Variants in CRHBP observed in about 807,000 individuals in gnomAD.
The protein encoded by CRHBP is corticotropin-releasing hormone-binding protein.
Under a neutral mutation model 34.9 loss-of-function variants are expected in CRHBP, and 19 were observed. That is an observed-to-expected ratio of 0.55 (90% confidence interval 0.38 to 0.80). The LOEUF is 0.80. Among genes scored for constraint, CRHBP ranks in the 30% least tolerant of loss-of-function variants. The pLI, the probability that CRHBP is intolerant of heterozygous loss-of-function variation, is 0.00. For missense variants in CRHBP, 328 were observed against 409.2 expected, an observed-to-expected ratio of 0.80 and a Z score of 1.71; for synonymous variants, 154 against 153.4, an observed-to-expected ratio of 1.00 and a Z score of -0.03.
intron 5 of CRHBP, among the ~76,000 whole-genome samples, chr5:76,959,887 C>T (rs1187526094): frequency 6.6e-6 from 1 of 152,156 alleles, no homozygotes; most frequent in African/African-American, 2.4e-5. Context: ...GAGATCTGCA[C>T]TTTAGTTATT....
intron 6 of CRHBP, among the ~76,000 whole-genome samples, chr5:76,966,136 T>A (rs147519797): frequency 4.5e-4 from 69 of 152,244 alleles, no homozygotes; most frequent in African/African-American, 1.5e-3. Flanking sequence ...CTCCTGCCTC[T>A]GCCTCCCGAG....
intron 4 of CRHBP, among the ~76,000 whole-genome samples, chr5:76,958,396 C>A (rs1475071662): frequency 2.0e-5 from 3 of 152,148 alleles, no homozygotes; most frequent in African/African-American, 7.2e-5. Context: ...TAGCTTTAAG[C>A]TGGACTCTAG....
chr5:76,964,861 A>AT (rs964675335), intron 6 of CRHBP, among the ~76,000 whole-genome samples: 3 of 152,122 alleles, frequency 2.0e-5, no homozygotes, highest in African/African-American at 7.2e-5. Context: ...ACAGAGTGAG[A>AT]TTCTGTCTCA....
chr5:76,969,631 G>A (rs868744074), downstream of CRHBP, among the ~76,000 whole-genome samples: 71 of 152,322 alleles, frequency 4.7e-4, no homozygotes, highest in Middle Eastern at 0.027. Context: ...TTAGAGGAGA[G>A]GTAGAATTGC....
At chr5:76,956,493 T>C (rs1414926229) in intron 4 of CRHBP, among the ~76,000 whole-genome samples, 4 of 152,236 alleles carry the variant, frequency 2.6e-5, no homozygotes, top group Non-Finnish European at 4.4e-5. Flanking sequence ...CCCAGCACTT[T>C]GGGAGGCCAA....
chr5:76,956,950 A>G (rs528559990), intron 4 of CRHBP, among the ~76,000 whole-genome samples: 3 of 152,290 alleles, frequency 2.0e-5, no homozygotes, highest in East Asian at 3.9e-4. Context: ...GAATTTTTGA[A>G]AAAGCCCCCC....
intron 5 of CRHBP, among the ~76,000 whole-genome samples, chr5:76,961,147 C>A (rs1745770287): frequency 6.6e-6 from 1 of 152,112 alleles, no homozygotes; most frequent in African/African-American, 2.4e-5. Flanking sequence ...TTTAGGGAAT[C>A]CCTGTTGAGA....
intron 5 of CRHBP, 26 bp from the exon 6 acceptor site, chr5:76,963,317 C>T: frequency 6.2e-7 from 1 of 1,600,078 alleles, no homozygotes; most frequent in Non-Finnish European, 8.6e-7. Context: ...TTAAATGTGT[C>T]TTTCTCTGCT....
In CRHBP at chr5:76,953,224, C is replaced by T. The variant is rs1458670372; in HGVS notation, c.81+9C>T. 6.2e-7 allele frequency: 1 copy of T among 1,613,092 alleles called. No homozygotes were observed. Among genetic ancestry groups the T allele is most frequent in the Non-Finnish European group, 8.5e-7 (1 of 1,179,074 alleles). On this transcript the variant is annotated intron_variant, in intron 1 of 6. Transcript: ENST00000274368. ...AAAGCCGGTACCTAGAGGTGAGCCA[C>T]CCCTGGACTGACCCATCTCACCTTC...
At chr5:76,962,340 C>T (rs899949380) in intron 5 of CRHBP, among the ~76,000 whole-genome samples, 11 of 152,130 alleles carry the variant, frequency 7.2e-5, no homozygotes, top group Admixed American at 7.2e-4. Context: ...CTTCTAGGCA[C>T]TGGCTTTTTG....
chr5:76,953,841 C>T, intron 2 of CRHBP, 147 bp downstream of exon 2: 1 of 1,170,992 alleles, frequency 8.5e-7, no homozygotes, highest in Non-Finnish European at 1.2e-6. Flanking sequence ...GATCGGTCCG[C>T]GGAGGCGCGC....
At chr5:76,971,552 T>C (rs1745944505), downstream of CRHBP, among the ~76,000 whole-genome samples, 1 of 152,238 alleles carries the variant, frequency 6.6e-6, no homozygotes, top group Non-Finnish European at 1.5e-5. Flanking sequence ...GGTTGTTGCC[T>C]GTCACTGAGA....
chr5:76,955,593 C>T, intron 3 of CRHBP, 60 bp from the exon 4 acceptor site: 1 of 1,511,782 alleles, frequency 6.6e-7, no homozygotes, highest in Non-Finnish European at 9.1e-7. Context: ...CTTTTCAACT[C>T]ATTTCAGACT....
At chr5:76,963,240 G>C in intron 5 of CRHBP, 103 bp from the exon 6 acceptor site, 1 of 837,476 alleles carries the variant, frequency 1.2e-6, no homozygotes, top group Non-Finnish European at 2.0e-6. Context: ...TTGCCAGGAT[G>C]TTGAGGGCTG....
intron 2 of CRHBP, among the ~76,000 whole-genome samples, chr5:76,974,932 TAAC>T (rs1746002586): frequency 6.6e-6 from 1 of 152,220 alleles, no homozygotes; most frequent in East Asian, 1.9e-4. Context: ...TTGCTCTTGA[TAAC>T]AACCATGTAC....
chr5:76,957,031 T>C (rs573368311), intron 4 of CRHBP, among the ~76,000 whole-genome samples: 1 of 152,220 alleles, frequency 6.6e-6, no homozygotes, highest in Middle Eastern at 3.4e-3. Context: ...CCCTATATTT[T>C]GTTTAGTTAG....
At chr5:76,963,205 G>T in intron 5 of CRHBP, 138 bp from the exon 6 acceptor site, 1 of 643,622 alleles carries the variant, frequency 1.6e-6, no homozygotes, top group Non-Finnish European at 2.8e-6. Flanking sequence ...AATTTCCAGA[G>T]TCCCAGATGT....
At chr5:76,976,948 G>A (rs1027703411) in intron 3 of CRHBP, among the ~76,000 whole-genome samples, 2 of 152,072 alleles carry the variant, frequency 1.3e-5, no homozygotes, top group Non-Finnish European at 2.9e-5. Context: ...TAAGAAGATG[G>A]TAGATCAACT....
rs1561266653 is a variant in CRHBP, at chr5:76,963,467, T to C, written c.811+7T>C. The stretch of plus-strand genomic sequence containing the variant: ...TACCCCTTTCATGGCCCGGGTGAGG[T>C]ATTTCTTTGATTGTTATGTATGTGC... On this transcript the variant is annotated splice_region_variant and intron_variant, in intron 6 of 6. Coordinates refer to ENST00000274368, the MANE Select transcript of CRHBP (RefSeq NM_001882.4). 1.2e-6 allele frequency: 2 copies of C among 1,607,368 alleles called. No individual in the cohort carries two copies. Among genetic ancestry groups the C allele is most frequent in the South Asian group, 2.2e-5 (2 of 90,882 alleles).
Sources: allele counts gnomAD v4.1 joint callset (sites outside exome capture counted in the v4.1 genomes callset), GRCh38; gene constraint gnomAD v4.1.1; transcripts MANE v1.5; gene names NCBI Gene and HGNC (gene_info 2026-07-23, HGNC 2026-07-21).